The following ARB2A variants were observed in gnomAD, a reference collection of about 807,000 sequenced individuals.
ARB2A encodes ARB2 cotranscriptional regulator A.
At chr5:93,957,223 CACA>C in the ARB2A span, among the ~76,000 whole-genome samples, 1 of 152,090 alleles carries the variant, frequency 6.6e-6, no homozygotes, top group Non-Finnish European at 1.5e-5. Flanking sequence ...GAAATCTTTA[CACA>C]ACAATAAAAT....
At chr5:93,642,131 C>T in the ARB2A span, among the ~76,000 whole-genome samples, 2 of 152,038 alleles carry the variant, frequency 1.3e-5, no homozygotes, top group African/African-American at 2.4e-5. Flanking sequence ...CTGGCATGCA[C>T]CACCATGCCT....
the ARB2A span, among the ~76,000 whole-genome samples, chr5:94,100,938 G>A: frequency 6.6e-6 from 1 of 152,026 alleles, no homozygotes; most frequent in Non-Finnish European, 1.5e-5. Context: ...CGGACAAATG[G>A]GATCTAATTA....
chr5:93,676,449 G>C, the ARB2A span, among the ~76,000 whole-genome samples: 4 of 152,122 alleles, frequency 2.6e-5, no homozygotes, highest in East Asian at 7.7e-4. Flanking sequence ...CTTTCTTGCT[G>C]GTCCACTGAA....
the ARB2A span, among the ~76,000 whole-genome samples, chr5:94,069,039 A>AAGATAGATAGATAGATAGGTAGGTAGAT: frequency 3.6e-5 from 5 of 140,296 alleles, no homozygotes; most frequent in African/African-American, 1.3e-4. Context: ...CTGTCTTAAA[A>AAGATAGATAGATAGATAGGTAGGTAGAT]AGATAGATAG....
At chr5:94,078,432 T>A in the ARB2A span, among the ~76,000 whole-genome samples, 1 of 152,196 alleles carries the variant, frequency 6.6e-6, no homozygotes, top group Non-Finnish European at 1.5e-5. Flanking sequence ...ATTCATCGGT[T>A]GCTCATCAGC....
chr5:93,855,774 T>A, the ARB2A span, among the ~76,000 whole-genome samples: 2 of 152,110 alleles, frequency 1.3e-5, no homozygotes, highest in East Asian at 3.8e-4. Flanking sequence ...TTTAAGAATG[T>A]TGAATATTGG....
chr5:93,663,397 T>G, the ARB2A span, among the ~76,000 whole-genome samples: 1 of 152,248 alleles, frequency 6.6e-6, no homozygotes, highest in Non-Finnish European at 1.5e-5. Context: ...AGTTTCCTCC[T>G]GTATTTTTCT....
the ARB2A span, among the ~76,000 whole-genome samples, chr5:94,066,135 G>T: frequency 6.6e-6 from 1 of 152,042 alleles, no homozygotes; most frequent in Non-Finnish European, 1.5e-5. Context: ...AATAAAGACT[G>T]CCTTGAAGCA....
the ARB2A span, among the ~76,000 whole-genome samples, chr5:94,069,499 C>T: frequency 6.6e-6 from 1 of 152,146 alleles, no homozygotes; most frequent in Non-Finnish European, 1.5e-5. Flanking sequence ...AAGAGACAAA[C>T]TATTGCATGG....
chr5:94,088,180 C>T, the ARB2A span, among the ~76,000 whole-genome samples: 1 of 152,104 alleles, frequency 6.6e-6, no homozygotes, highest in Non-Finnish European at 1.5e-5. Flanking sequence ...CTGAGTAAAC[C>T]TCAGAGCAGC....
chr5:94,006,327 A>G, the ARB2A span, among the ~76,000 whole-genome samples: 1 of 152,242 alleles, frequency 6.6e-6, no homozygotes, highest in Non-Finnish European at 1.5e-5. Flanking sequence ...CTAAAATAAT[A>G]AAATTATAGA....
At chr5:93,727,901 G>A in the ARB2A span, among the ~76,000 whole-genome samples, 1 of 152,014 alleles carries the variant, frequency 6.6e-6, no homozygotes, top group Non-Finnish European at 1.5e-5. Context: ...TGACACCAGT[G>A]AGTCTGCATG....
chr5:94,000,470 G>A, the ARB2A span, among the ~76,000 whole-genome samples: 3 of 152,014 alleles, frequency 2.0e-5, no homozygotes, highest in East Asian at 5.8e-4. Context: ...TCTTTAGTGA[G>A]GTGTCTGTTG....
chr5:94,009,568 C>T, the ARB2A span, among the ~76,000 whole-genome samples: 1 of 151,970 alleles, frequency 6.6e-6, no homozygotes, highest in Non-Finnish European at 1.5e-5. Flanking sequence ...AAAACCACAG[C>T]CATTTTAAAG....
the ARB2A span, among the ~76,000 whole-genome samples, chr5:94,017,437 G>T: frequency 6.6e-6 from 1 of 152,150 alleles, no homozygotes; most frequent in African/African-American, 2.4e-5. Flanking sequence ...TAAGATAAAA[G>T]TTTGGATAAG....
At chr5:93,995,311 C>T in the ARB2A span, among the ~76,000 whole-genome samples, 2 of 152,138 alleles carry the variant, frequency 1.3e-5, no homozygotes, top group African/African-American at 2.4e-5. Context: ...AAACAGTGAT[C>T]TCTCAAGGTT....
chr5:93,805,356 C>T, the ARB2A span: 1 of 984,924 alleles, frequency 1.0e-6, no homozygotes, highest in Non-Finnish European at 1.2e-6. Flanking sequence ...AAGTTTTTAC[C>T]AGCTATTTTA....
the ARB2A span, among the ~76,000 whole-genome samples, chr5:93,789,848 T>C: frequency 6.6e-6 from 1 of 152,302 alleles, no homozygotes; most frequent in Admixed American, 6.5e-5. Flanking sequence ...AAAACCTTGA[T>C]TCTGTTATCT....
chr5:93,855,537 C>A, the ARB2A span, among the ~76,000 whole-genome samples: 15 of 152,126 alleles, frequency 9.9e-5, 1 homozygote, highest in African/African-American at 3.4e-4. Context: ...TTAGTTGATG[C>A]AGTTTCTTCC....
Sources: gnomAD v4.1 joint callset for allele counts (sites outside exome capture counted in the v4.1 genomes callset) on GRCh38, gnomAD v4.1.1 for gene constraint, MANE v1.5 for transcripts, NCBI Gene and HGNC (gene_info 2026-07-23, HGNC 2026-07-21) for gene names.